The following RREB1 variants were observed in gnomAD, a reference collection of about 807,000 sequenced individuals.
RREB1 encodes the protein ras-responsive element-binding protein 1.
RREB1 carries 27 observed loss-of-function variants against 117.8 expected under a neutral mutation model. The observed-to-expected ratio is 0.23, with a 90% CI of 0.17 to 0.32. The LOEUF (loss-of-function observed/expected upper bound fraction) is 0.32, where lower values mean the gene tolerates loss of function less well. Among genes scored for constraint, RREB1 ranks in the 10% least tolerant of loss-of-function variants. RREB1 has a pLI of 1.00. For missense variants in RREB1, 2,577 were observed against 2,378.2 expected (o/e 1.08, Z -1.74); for synonymous variants, 1,298 against 1,026.7 (o/e 1.26, Z -5.05).
At chr6:7,174,245 A>G (rs1050682198) in intron 1 of RREB1, among the ~76,000 whole-genome samples, 3 of 149,848 alleles carry the variant, frequency 2.0e-5, no homozygotes, top group African/African-American at 7.5e-5. Flanking sequence ...CCGCTCTTCA[A>G]GCTCTGTGAC....
chr6:7,230,105 C>T lies in RREB1; in HGVS notation c.2006C>T (p.Ser669Leu), dbSNP rs781302715. The T allele has an allele frequency of 1.3e-5, 21 of 1,604,254 alleles. No individual in the cohort carries two copies. The highest frequency in any genetic ancestry group is 2.2e-5 in the East Asian group (1 of 44,744). The change falls in exon 10 of 13, where the codon TCG becomes TTG. Residue 669 changes from serine (S) to leucine (L), a missense_variant. Ser to Leu is a moderately radical substitution (Grantham distance 145). Transcript: ENST00000379938. ...CACGTGCGCTCCCACCTGGGCATCTCGCCATACCAGTGCAACATCTGCGAC... is the reference window on the plus strand; with the variant it reads ...CACGTGCGCTCCCACCTGGGCATCTTGCCATACCAGTGCAACATCTGCGAC... ...RAHVRSHLGI[S>L]PYQCNICDYI...
Position 7,230,484 on chromosome 6 carries a change from C to T in RREB1, c.2385C>T (p.Cys795=), listed in dbSNP as rs1321604753. Residue 795 remains cysteine, a synonymous_variant, in exon 10 of 13, where the codon TGC becomes TGT. Coordinates refer to ENST00000379938, the MANE Select transcript of RREB1 (RefSeq NM_001003699.4). The part of the protein sequence containing the change: ...KGRKPFECKE[C]SAAFAAKRNC... Reference sequence around the variant, plus strand: ...GCAAGCCCTTCGAGTGCAAGGAGTGCAGCGCCGCGTTCGCGGCCAAGCGCA... The same window carrying T: ...GCAAGCCCTTCGAGTGCAAGGAGTGTAGCGCCGCGTTCGCGGCCAAGCGCA... 2 of 1,594,442 alleles carry T rather than the reference C, an allele frequency of 1.3e-6. No homozygotes were observed. The highest frequency in any genetic ancestry group is 1.7e-6 in the Non-Finnish European group (2 of 1,177,486).
intron 1 of RREB1, among the ~76,000 whole-genome samples, chr6:7,142,001 C>T (rs1049196326): frequency 1.3e-5 from 2 of 152,228 alleles, no homozygotes; most frequent in African/African-American, 4.8e-5. Flanking sequence ...CATCTGAGGT[C>T]AGGAGTTCGA....
intron 1 of RREB1, among the ~76,000 whole-genome samples, chr6:7,133,112 G>A (rs1475699367): frequency 6.6e-6 from 1 of 152,144 alleles, no homozygotes; most frequent in Non-Finnish European, 1.5e-5. Flanking sequence ...CAATCGTAGA[G>A]CATTGCACTG....
chr6:7,244,899 TGAG>T (rs1768914645), intron 11 of RREB1, among the ~76,000 whole-genome samples: 1 of 152,100 alleles, frequency 6.6e-6, no homozygotes, highest in Non-Finnish European at 1.5e-5. Flanking sequence ...CATGTGACAT[TGAG>T]GAGGTGTGAT....
At chr6:7,234,023 A>G (rs147584563) in intron 10 of RREB1, among the ~76,000 whole-genome samples, 2 of 151,504 alleles carry the variant, frequency 1.3e-5, no homozygotes, top group African/African-American at 4.9e-5. Context: ...GGGATTGAGG[A>G]GTAGCAAGTC....
In RREB1 at chr6:7,246,818, C is replaced by G. The variant is rs765452903; in HGVS notation, c.4368C>G (p.Ser1456Arg). 6.4e-7 allele frequency: 1 copy of G among 1,553,274 alleles called. No individual in the cohort carries two copies. Among genetic ancestry groups the G allele is most frequent in the Non-Finnish European group, 8.7e-7 (1 of 1,148,850 alleles). ...TCGCCTGCGACACCTGTGGGAAGAG[C>G]TTCAAGTTCCTGGGCACCCTGAGCC... is the stretch of plus-strand genomic sequence containing the variant. The part of the protein sequence containing the change: ...QKLACDTCGK[S>R]FKFLGTLSRH... The change falls in exon 12 of 13, where the codon AGC becomes AGG. Residue 1456 changes from serine to arginine, a missense_variant. Ser to Arg is a moderately radical substitution (Grantham distance 110). Transcript: ENST00000379938.
At chr6:7,245,463 T>C (rs2113190959) in intron 11 of RREB1, among the ~76,000 whole-genome samples, 3 of 152,336 alleles carry the variant, frequency 2.0e-5, no homozygotes, top group African/African-American at 7.2e-5. Context: ...CAGCTTCCAA[T>C]GTACTGTCGT....
intron 8 of RREB1, among the ~76,000 whole-genome samples, chr6:7,220,752 C>T (rs1767201121): frequency 6.6e-6 from 1 of 152,222 alleles, no homozygotes; most frequent in African/African-American, 2.4e-5. Flanking sequence ...TGCAGTTCTG[C>T]CCCATCTAAA....
intron 1 of RREB1, among the ~76,000 whole-genome samples, chr6:7,118,821 T>C (rs1012327343): frequency 7.0e-6 from 1 of 141,860 alleles, no homozygotes; most frequent in Admixed American, 7.0e-5. Flanking sequence ...TTTTTTTTTT[T>C]TTTTTTTTTT....
At chr6:7,238,493 T>C (rs1356359683) in intron 10 of RREB1, among the ~76,000 whole-genome samples, 2 of 152,208 alleles carry the variant, frequency 1.3e-5, no homozygotes, top group Non-Finnish European at 2.9e-5. Context: ...CACCTTGGCC[T>C]CCCACAGTGT....
chr6:7,187,820 T>C (rs918726024), intron 5 of RREB1: 1 of 170,554 alleles, frequency 5.9e-6, no homozygotes, highest in Admixed American at 6.3e-5. Flanking sequence ...GAAATGACTT[T>C]TGTATATGCA....
At chr6:7,235,297 A>ATCTTTCTCC (rs1768249659) in intron 10 of RREB1, among the ~76,000 whole-genome samples, 1 of 152,154 alleles carries the variant, frequency 6.6e-6, no homozygotes, top group Non-Finnish European at 1.5e-5. Context: ...CACAGACCTG[A>ATCTTTCTCC]TCTTTCTCCT....
chr6:7,154,668 GTC>G (rs1473959382), intron 1 of RREB1, among the ~76,000 whole-genome samples: 1 of 152,162 alleles, frequency 6.6e-6, no homozygotes, highest in Non-Finnish European at 1.5e-5. Flanking sequence ...TTCCCTAACT[GTC>G]TAAGGGTCAG....
intron 1 of RREB1, among the ~76,000 whole-genome samples, chr6:7,129,744 G>A (rs1239718807): frequency 6.6e-6 from 1 of 152,242 alleles, no homozygotes; most frequent in Non-Finnish European, 1.5e-5. Context: ...CCTGTTGTCG[G>A]AAAGGTGCAG....
At chr6:7,159,047 C>T (rs1163963010) in intron 1 of RREB1, among the ~76,000 whole-genome samples, 1 of 152,106 alleles carries the variant, frequency 6.6e-6, no homozygotes, top group Non-Finnish European at 1.5e-5. Flanking sequence ...TTGATATAAT[C>T]CCTCCTTTTA....
Position 7,247,185 on chromosome 6 carries a change from C to T in RREB1, c.4735C>T (p.Leu1579=), listed in dbSNP as rs747213067. ...CSVCNKRFWS[L]QDLTRHMRSH... ...CGTGTGCAACAAGCGGTTCTGGTCGCTGCAGGACCTGACCCGGCACATGCG... is the reference window on the plus strand; with the variant it reads ...CGTGTGCAACAAGCGGTTCTGGTCGTTGCAGGACCTGACCCGGCACATGCG... Residue 1579 remains leucine, a synonymous_variant, in exon 12 of 13, where the codon CTG becomes TTG. Transcript: ENST00000379938. 17 of 1,613,660 alleles carry T rather than the reference C, an allele frequency of 1.1e-5. No individual in the cohort carries two copies. The highest frequency in any genetic ancestry group is 1.7e-5 in the Admixed American group (1 of 59,992).
chr6:7,223,208 G>A (rs1767367283), intron 8 of RREB1, among the ~76,000 whole-genome samples: 1 of 142,814 alleles, frequency 7.0e-6, no homozygotes. Flanking sequence ...AATGAGCTAT[G>A]ATCATGCCAC....
intron 1 of RREB1, among the ~76,000 whole-genome samples, chr6:7,141,596 A>G (rs905146565): frequency 1.3e-5 from 2 of 152,240 alleles, no homozygotes; most frequent in Admixed American, 1.3e-4. Flanking sequence ...ATAAGTCCCC[A>G]TTGAAACATT....
Sources: allele counts gnomAD v4.1 joint callset (sites outside exome capture counted in the v4.1 genomes callset), GRCh38; gene constraint gnomAD v4.1.1; transcripts MANE v1.5; gene names NCBI Gene and HGNC (gene_info 2026-07-23, HGNC 2026-07-21).